SETBP1: variants seen among roughly 807,000 people sequenced by gnomAD.
The protein encoded by SETBP1 is SET binding protein 1, also known as SET-binding protein.
In SETBP1, 9 loss-of-function variants were observed where a neutral mutation model predicts 101.0. The observed-to-expected ratio is 0.09, with a 90% confidence interval of 0.05 to 0.16. SETBP1 has a LOEUF of 0.16. SETBP1 is among the 10% of genes least tolerant of loss of function. The probability of loss-of-function intolerance (pLI) is 1.00; values close to 1 mark genes in which losing one functional copy is unlikely to be tolerated. For missense variants in SETBP1, 1,858 were observed against 2,033.8 expected, an observed-to-expected ratio of 0.91 and a Z score of 1.66; for synonymous variants, 818 against 788.5, an observed-to-expected ratio of 1.04 and a Z score of -0.63.
At chr18:44,687,749 C>G (rs2068861508) in intron 1 of SETBP1, among the ~76,000 whole-genome samples, 1 of 151,902 alleles carries the variant, frequency 6.6e-6, no homozygotes, top group South Asian at 2.1e-4. Context: ...CATCTGGAAA[C>G]CCTGCTATGG....
In SETBP1 at chr18:44,875,354, C is replaced by G. The variant is rs747341536; in HGVS notation, c.540+6071C>G. 5.3e-5 allele frequency among the ~76,000 whole-genome samples: 8 copies of G among 151,932 alleles called. No individual in the cohort carries two copies. The South Asian group carries it at 8.3e-4, about 16-fold the overall frequency. On this transcript the variant is annotated intron_variant, in intron 3 of 5. Coordinates refer to ENST00000649279, the MANE Select transcript of SETBP1 (RefSeq NM_015559.3). ...CCAACATGGTGAAACCTCGTCTCTACTAAAAATACAAAAACTAGCTGGGCG... is the reference window on the plus strand; with the variant it reads ...CCAACATGGTGAAACCTCGTCTCTAGTAAAAATACAAAAACTAGCTGGGCG...
At chr18:44,877,120 C>T in intron 3 of SETBP1, 1 of 1,004,498 alleles carries the variant, frequency 1.0e-6, no homozygotes, top group Non-Finnish European at 1.2e-6. Context: ...TGCTCTCTTA[C>T]CCCATGCTAT....
At chr18:44,943,889 C>A (rs943712151) in intron 3 of SETBP1, among the ~76,000 whole-genome samples, 2 of 149,970 alleles carry the variant, frequency 1.3e-5, no homozygotes, top group Admixed American at 6.7e-5. Flanking sequence ...GGCTGCAGTA[C>A]AGTGGTACGA....
At chr18:44,755,833 A>C (rs1599080456) in intron 2 of SETBP1, among the ~76,000 whole-genome samples, 1 of 152,192 alleles carries the variant, frequency 6.6e-6, no homozygotes, top group Non-Finnish European at 1.5e-5. Context: ...TAACCAATAC[A>C]GCTTGGTTAA....
chr18:44,738,648 C>T (rs2070028940), intron 2 of SETBP1, among the ~76,000 whole-genome samples: 1 of 151,988 alleles, frequency 6.6e-6, no homozygotes, highest in Non-Finnish European at 1.5e-5. Context: ...GTGGCACATG[C>T]CTGGAATGCC....
At chr18:44,976,836 A>C (rs1041770019) in intron 4 of SETBP1, among the ~76,000 whole-genome samples, 1 of 152,206 alleles carries the variant, frequency 6.6e-6, no homozygotes, top group Admixed American at 6.5e-5. Flanking sequence ...TGCTGAGAAC[A>C]TAGCCTGGCA....
intron 5 of SETBP1, among the ~76,000 whole-genome samples, chr18:45,054,222 C>G (rs1038176407): frequency 2.4e-4 from 36 of 151,738 alleles, no homozygotes; most frequent in Non-Finnish European, 4.3e-4. Flanking sequence ...GAGTCTGGCT[C>G]TGTTGCCCAG....
At chr18:45,037,331 C>T (rs1396176783) in intron 4 of SETBP1, among the ~76,000 whole-genome samples, 2 of 152,230 alleles carry the variant, frequency 1.3e-5, no homozygotes, top group Non-Finnish European at 2.9e-5. Context: ...TTAGTCATGT[C>T]AGGGAGAAGA....
intron 3 of SETBP1, among the ~76,000 whole-genome samples, chr18:44,939,352 A>G (rs1364945053): frequency 6.6e-6 from 1 of 151,970 alleles, no homozygotes. Flanking sequence ...TACAGTGTGG[A>G]TCTTGGGGTC....
At chr18:44,723,864 G>C (rs889551782) in intron 2 of SETBP1, among the ~76,000 whole-genome samples, 2 of 152,092 alleles carry the variant, frequency 1.3e-5, no homozygotes, top group African/African-American at 4.8e-5. Flanking sequence ...AATAATGGTC[G>C]CAGCCAAGAC....
At chr18:44,868,551 C>T (rs925212566) in intron 2 of SETBP1, among the ~76,000 whole-genome samples, 8 of 151,854 alleles carry the variant, frequency 5.3e-5, no homozygotes, top group Non-Finnish European at 8.8e-5. Flanking sequence ...AAAAATTAGC[C>T]GGGCATGGTG....
intron 3 of SETBP1, among the ~76,000 whole-genome samples, chr18:44,893,728 G>A (rs2069825754): frequency 6.6e-6 from 1 of 152,020 alleles, no homozygotes; most frequent in African/African-American, 2.4e-5. Flanking sequence ...AAAGAGGGAG[G>A]GAGAGAGAGA....
At chr18:44,998,037 G>A (rs1349625568) in intron 4 of SETBP1, among the ~76,000 whole-genome samples, 2 of 152,158 alleles carry the variant, frequency 1.3e-5, no homozygotes, top group African/African-American at 2.4e-5. Flanking sequence ...AGCACCACAC[G>A]CAAAAGGCAG....
intron 2 of SETBP1, among the ~76,000 whole-genome samples, chr18:44,807,595 A>G (rs2071775584): frequency 1.3e-5 from 2 of 152,204 alleles, no homozygotes; most frequent in Admixed American, 6.5e-5. Context: ...TCCCTGGGCC[A>G]GTCAACATCT....
chr18:44,800,696 T>TAGGAACTGGA (rs1177423523), intron 2 of SETBP1, among the ~76,000 whole-genome samples: 4 of 152,114 alleles, frequency 2.6e-5, no homozygotes, highest in African/African-American at 9.7e-5. Context: ...AAGATCCATG[T>TAGGAACTGGA]AGGTCCAATG....
At chr18:44,905,950 C>T (rs1012761013) in intron 3 of SETBP1, among the ~76,000 whole-genome samples, 2 of 152,230 alleles carry the variant, frequency 1.3e-5, no homozygotes, top group African/African-American at 4.8e-5. Context: ...ACCTCCACAA[C>T]CTTTTAGCCA....
intron 4 of SETBP1, among the ~76,000 whole-genome samples, chr18:44,973,230 C>T (rs1268731811): frequency 6.6e-6 from 1 of 152,176 alleles, no homozygotes; most frequent in Non-Finnish European, 1.5e-5. Flanking sequence ...ATGAAGCCCA[C>T]TTGATCATGG....
chr18:44,954,620 G>A (rs1441867273), intron 4 of SETBP1, among the ~76,000 whole-genome samples: 3 of 152,152 alleles, frequency 2.0e-5, no homozygotes, highest in African/African-American at 4.8e-5. Context: ...CTTAAAGATC[G>A]CCCCAGATTG....
At chr18:44,793,570 T>C (rs1248016527) in intron 2 of SETBP1, among the ~76,000 whole-genome samples, 1 of 152,194 alleles carries the variant, frequency 6.6e-6, no homozygotes, top group Non-Finnish European at 1.5e-5. Context: ...ACCCCCTGTG[T>C]GTTCTATTAA....
Sources: allele counts gnomAD v4.1 joint callset (sites outside exome capture counted in the v4.1 genomes callset), GRCh38; gene constraint gnomAD v4.1.1; transcripts MANE v1.5; gene names NCBI Gene and HGNC (gene_info 2026-07-23, HGNC 2026-07-21).